The following NEDD4L variants were observed in gnomAD, a reference collection of about 807,000 sequenced individuals.
The protein encoded by NEDD4L is E3 ubiquitin-protein ligase NEDD4-like.
A neutral mutation model predicts 148.9 loss-of-function variants in NEDD4L; 54 were observed. The observed-to-expected ratio is 0.36, with a 90% CI of 0.29 to 0.45. The LOEUF (loss-of-function observed/expected upper bound fraction) is 0.45, where lower values mean the gene tolerates loss of function less well. Ranked by LOEUF, NEDD4L falls within the 20% of genes least tolerant of loss-of-function variation. The pLI is 1.00. For missense variants in NEDD4L, 856 were observed against 1,233.8 expected (o/e 0.69, Z 4.59); for synonymous variants, 433 against 440.7 (o/e 0.98, Z 0.22).
chr18:58,211,023 G>A (rs1212344418), intron 2 of NEDD4L, among the ~76,000 whole-genome samples: 1 of 152,110 alleles, frequency 6.6e-6, no homozygotes, highest in Non-Finnish European at 1.5e-5. Context: ...AAACCTATCT[G>A]AAAAAGTTTA....
chr18:58,082,181 C>A (rs536283602), intron 1 of NEDD4L, among the ~76,000 whole-genome samples: 47 of 139,618 alleles, frequency 3.4e-4, no homozygotes, highest in African/African-American at 1.1e-3. Context: ...GATCTCAGCT[C>A]ACTTCAACCC....
At chr18:58,180,946 C>T (rs1312316307) in intron 2 of NEDD4L, among the ~76,000 whole-genome samples, 1 of 152,136 alleles carries the variant, frequency 6.6e-6, no homozygotes, top group Non-Finnish European at 1.5e-5. Context: ...CCTCTGGTGG[C>T]CATATTGTCA....
chr18:58,101,225 A>G (rs1465445730), intron 1 of NEDD4L, among the ~76,000 whole-genome samples: 2 of 152,224 alleles, frequency 1.3e-5, no homozygotes, highest in African/African-American at 4.8e-5. Context: ...GATACAGCCA[A>G]CCAGGAGAAG....
intron 2 of NEDD4L, among the ~76,000 whole-genome samples, chr18:58,204,269 A>C (rs6566952): frequency 0.025 from 3,778 of 152,208 alleles, 167 homozygotes; most frequent in African/African-American, 0.087. Flanking sequence ...CGGAGGTTGC[A>C]GTCAGCCAAG....
chr18:58,222,338 T>C (rs768918069), intron 2 of NEDD4L, among the ~76,000 whole-genome samples: 7 of 152,214 alleles, frequency 4.6e-5, no homozygotes, highest in Non-Finnish European at 7.3e-5. Context: ...TATATCTGAA[T>C]TTTTGGTTGG....
intron 2 of NEDD4L, among the ~76,000 whole-genome samples, chr18:58,176,368 C>A (rs78919951): frequency 1.3e-5 from 2 of 152,236 alleles, no homozygotes; most frequent in African/African-American, 4.8e-5. Context: ...AGGAGTCTTG[C>A]TCTGTTGCAC....
chr18:58,051,580 T>C (rs7228264), intron 1 of NEDD4L, among the ~76,000 whole-genome samples: 1 of 152,192 alleles, frequency 6.6e-6, no homozygotes, highest in Non-Finnish European at 1.5e-5. Flanking sequence ...GCCAATTAAA[T>C]TTTTTATTTT....
intron 16 of NEDD4L, among the ~76,000 whole-genome samples, chr18:58,343,539 C>G (rs901054742): frequency 2.0e-5 from 3 of 152,116 alleles, no homozygotes; most frequent in Admixed American, 2.0e-4. Flanking sequence ...TAGTTTTTAC[C>G]GTTCACATCA....
chr18:58,192,264 CTG>C (rs1277829911), intron 2 of NEDD4L, among the ~76,000 whole-genome samples: 1 of 152,196 alleles, frequency 6.6e-6, no homozygotes, highest in Admixed American at 6.5e-5. Context: ...TGACAAGGAG[CTG>C]TCATCTTAAC....
intron 1 of NEDD4L, among the ~76,000 whole-genome samples, chr18:58,098,427 G>A (rs377394038): frequency 2.0e-4 from 31 of 152,088 alleles, no homozygotes; most frequent in African/African-American, 7.5e-4. Flanking sequence ...CTCAGCCTCC[G>A]GGCCTTTGAT....
intron 2 of NEDD4L, among the ~76,000 whole-genome samples, chr18:58,176,149 CCA>C (rs1279602941): frequency 6.6e-6 from 1 of 151,460 alleles, no homozygotes; most frequent in Non-Finnish European, 1.5e-5. Flanking sequence ...CTCTCCCACT[CCA>C]GTTTTGGTAA....
chr18:58,276,694 ATATTAT>A (rs143837901), intron 5 of NEDD4L, among the ~76,000 whole-genome samples: 5 of 97,826 alleles, frequency 5.1e-5, no homozygotes, highest in African/African-American at 1.1e-4. Context: ...AATAATAATA[ATATTAT>A]TATTATTATT....
intron 1 of NEDD4L, among the ~76,000 whole-genome samples, chr18:58,145,170 C>T (rs1020138566): frequency 6.6e-6 from 1 of 152,180 alleles, no homozygotes; most frequent in Non-Finnish European, 1.5e-5. Context: ...CCTACCAGGG[C>T]CCCCTCTCAT....
rs1246432162 is a variant in NEDD4L at position 58,397,155 on chromosome 18, A to G, written c.*886A>G. 6.6e-6 allele frequency: 1 copy of G among 152,422 alleles called. No homozygotes were observed. The highest frequency in any genetic ancestry group is 2.4e-5 in the African/African-American group (1 of 41,392). 9.4% of individuals were successfully genotyped at this position (152,422 alleles called of 1,614,324 possible). On this transcript the variant is annotated 3_prime_UTR_variant, in exon 31 of 31. Transcript: ENST00000400345. Reference sequence around the variant, plus strand: ...GCGCTGTACAGTCATCTTTTATTCTATTTCCTCTTTGCTGTTTGTAGTAGA... The same window carrying G: ...GCGCTGTACAGTCATCTTTTATTCTGTTTCCTCTTTGCTGTTTGTAGTAGA...
intron 1 of NEDD4L, among the ~76,000 whole-genome samples, chr18:58,082,542 C>G (rs1251064689): frequency 6.6e-6 from 1 of 151,238 alleles, no homozygotes; most frequent in East Asian, 1.9e-4. Context: ...GGGGCTGAGG[C>G]AGGTGGATCA....
chr18:58,175,070 C>T (rs935421768), intron 2 of NEDD4L, among the ~76,000 whole-genome samples: 2 of 152,168 alleles, frequency 1.3e-5, no homozygotes, highest in African/African-American at 4.8e-5. Context: ...TCCCTGTGGA[C>T]CAGACTGAAT....
intron 1 of NEDD4L, among the ~76,000 whole-genome samples, chr18:58,136,499 CG>C (rs1290535962): frequency 6.6e-6 from 1 of 152,106 alleles, no homozygotes; most frequent in Non-Finnish European, 1.5e-5. Context: ...GTTTGATATG[CG>C]GGGAACCTGA....
chr18:58,132,965 G>C lies in NEDD4L; in HGVS notation c.49-32823G>C, dbSNP rs574537147. On this transcript the variant is annotated intron_variant, in intron 1 of 30. Coordinates refer to ENST00000400345, the MANE Select transcript of NEDD4L (RefSeq NM_001144967.3). ...GTGAGTTAACTCATACTTAGGAGAT[G>C]AATGCTGGCTTTGAAGACCATAGCG... is the stretch of plus-strand genomic sequence containing the variant. Among the ~76,000 whole-genome samples the C allele has an allele frequency of 3.3e-5, 5 of 152,210 alleles. No individual in the cohort carries two copies. In the South Asian group the frequency reaches 1.0e-3, roughly 32 times the overall value.
intron 1 of NEDD4L, among the ~76,000 whole-genome samples, chr18:58,128,041 G>A (rs2031450325): frequency 6.6e-6 from 1 of 151,660 alleles, no homozygotes; most frequent in Admixed American, 6.6e-5. Flanking sequence ...GTTTTGCTTT[G>A]CTTTCCTTTG....
Sources: allele counts gnomAD v4.1 joint callset (sites outside exome capture counted in the v4.1 genomes callset), GRCh38; gene constraint gnomAD v4.1.1; transcripts MANE v1.5; gene names NCBI Gene and HGNC (gene_info 2026-07-23, HGNC 2026-07-21).